Variants in CTNNA3 observed in about 807,000 individuals in gnomAD.
CTNNA3 encodes the protein catenin alpha-3.
Under a neutral mutation model 95.7 loss-of-function variants are expected in CTNNA3, and 76 were observed. That is an observed-to-expected ratio of 0.79 (90% CI 0.66 to 0.96). CTNNA3 has a LOEUF of 0.96. Ranked by LOEUF, CTNNA3 falls within the 40% of genes least tolerant of loss-of-function variation. The probability of loss-of-function intolerance (pLI) is 0.00; values close to 1 mark genes in which losing one functional copy is unlikely to be tolerated. For missense variants in CTNNA3, 1,191 were observed against 1,089.8 expected (o/e 1.09, Z -1.31); for synonymous variants, 431 against 374.4 (o/e 1.15, Z -1.74).
chr10:66,235,604 T>C (rs1237371731), intron 13 of CTNNA3, among the ~76,000 whole-genome samples: 1 of 152,122 alleles, frequency 6.6e-6, no homozygotes, highest in African/African-American at 2.4e-5. Context: ...AGTCAACTAA[T>C]TTTAAGTATA....
At chr10:67,423,199 C>T (rs547253465) in intron 5 of CTNNA3, among the ~76,000 whole-genome samples, 16 of 152,120 alleles carry the variant, frequency 1.1e-4, no homozygotes, top group Non-Finnish European at 1.3e-4. Context: ...CCTCCCTCCC[C>T]AACCCCCAGT....
At chr10:66,814,120 G>A (rs1016306291) in intron 7 of CTNNA3, among the ~76,000 whole-genome samples, 1 of 152,168 alleles carries the variant, frequency 6.6e-6, no homozygotes, top group Admixed American at 6.5e-5. Flanking sequence ...GTGCCATTGA[G>A]GCAACTGGAT....
At chr10:66,126,774 A>G (rs970385750) in intron 13 of CTNNA3, among the ~76,000 whole-genome samples, 2 of 152,252 alleles carry the variant, frequency 1.3e-5, no homozygotes, top group African/African-American at 2.4e-5. Flanking sequence ...CTAAATATCC[A>G]TAAGTCCATA....
intron 10 of CTNNA3, among the ~76,000 whole-genome samples, chr10:66,599,874 A>T (rs1843859215): frequency 6.6e-6 from 1 of 152,002 alleles, no homozygotes; most frequent in African/African-American, 2.4e-5. Flanking sequence ...CCTATATGTG[A>T]GACAGAGTAA....
intron 9 of CTNNA3, among the ~76,000 whole-genome samples, chr10:66,708,244 CT>C (rs1164179533): frequency 6.6e-6 from 1 of 151,714 alleles, no homozygotes; most frequent in African/African-American, 2.4e-5. Flanking sequence ...AAAAACACCA[CT>C]GACTGGATGT....
At chr10:66,223,005 T>C (rs1292494272) in intron 13 of CTNNA3, among the ~76,000 whole-genome samples, 3 of 152,136 alleles carry the variant, frequency 2.0e-5, no homozygotes, top group Non-Finnish European at 4.4e-5. Context: ...CTTAGATATT[T>C]GGGTTTCAAA....
chr10:67,518,052 T>C (rs555080128), intron 5 of CTNNA3, among the ~76,000 whole-genome samples: 1 of 152,282 alleles, frequency 6.6e-6, no homozygotes, highest in African/African-American at 2.4e-5. Flanking sequence ...TTATACTTGA[T>C]ATATTGTTTC....
intron 9 of CTNNA3, among the ~76,000 whole-genome samples, chr10:66,655,052 T>C (rs995706374): frequency 2.6e-5 from 4 of 152,012 alleles, no homozygotes; most frequent in African/African-American, 7.2e-5. Flanking sequence ...TTAATAGAAC[T>C]GTATTCCTGA....
intron 15 of CTNNA3, among the ~76,000 whole-genome samples, chr10:66,061,223 C>T (rs2133571045): frequency 6.6e-6 from 1 of 152,218 alleles, no homozygotes; most frequent in Non-Finnish European, 1.5e-5. Context: ...TGCCTTGCTG[C>T]ATTTGTAACT....
At chr10:66,539,160 G>A (rs750987911) in intron 10 of CTNNA3, among the ~76,000 whole-genome samples, 5 of 152,082 alleles carry the variant, frequency 3.3e-5, no homozygotes, top group African/African-American at 4.8e-5. Flanking sequence ...GCCAGCTATA[G>A]TGTACATCCG....
chr10:66,685,283 A>T (rs868194570), intron 9 of CTNNA3, among the ~76,000 whole-genome samples: 1 of 27,430 alleles, frequency 3.6e-5, no homozygotes, highest in Non-Finnish European at 6.1e-5. Flanking sequence ...ACGTATATAT[A>T]AGTATATATA....
At chr10:66,445,000 C>CA (rs981411059) in intron 11 of CTNNA3, among the ~76,000 whole-genome samples, 6 of 150,742 alleles carry the variant, frequency 4.0e-5, no homozygotes, top group African/African-American at 1.2e-4. Context: ...AAATGGAAAA[C>CA]AAAAAAAGGC....
intron 5 of CTNNA3, among the ~76,000 whole-genome samples, chr10:67,412,721 G>A (rs1036641784): frequency 6.6e-6 from 1 of 152,054 alleles, no homozygotes; most frequent in African/African-American, 2.4e-5. Flanking sequence ...TTAAAGAAAG[G>A]AAATTCCAAC....
intron 17 of CTNNA3, among the ~76,000 whole-genome samples, chr10:65,948,943 C>A (rs1308590676): frequency 6.6e-6 from 1 of 151,930 alleles, no homozygotes; most frequent in East Asian, 1.9e-4. Context: ...CTAATTAATC[C>A]CAAAAGTCTT....
intron 17 of CTNNA3, among the ~76,000 whole-genome samples, chr10:65,955,534 T>C (rs538922220): frequency 1.3e-5 from 2 of 152,328 alleles, no homozygotes; most frequent in South Asian, 2.1e-4. Flanking sequence ...TTGTCATAAA[T>C]AGCTCTTATT....
intron 13 of CTNNA3, among the ~76,000 whole-genome samples, chr10:66,179,495 C>G (rs1343131546): frequency 6.6e-6 from 1 of 151,964 alleles, no homozygotes; most frequent in East Asian, 1.9e-4. Context: ...ACTGTACTAT[C>G]GCTTTGCAAG....
At chr10:67,355,181 T>G (rs1842765961) in intron 5 of CTNNA3, among the ~76,000 whole-genome samples, 3 of 152,026 alleles carry the variant, frequency 2.0e-5, no homozygotes, top group Admixed American at 2.0e-4. Flanking sequence ...GTACTTATTT[T>G]TATCAAAAAC....
chr10:66,735,980 T>C (rs192284085), intron 9 of CTNNA3, among the ~76,000 whole-genome samples: 168 of 152,310 alleles, frequency 1.1e-3, no homozygotes, highest in Non-Finnish European at 1.4e-3. Context: ...GGGAACATGC[T>C]TCCCATTTGG....
intron 7 of CTNNA3, among the ~76,000 whole-genome samples, chr10:67,128,470 C>G (rs1183303029): frequency 6.6e-6 from 1 of 151,602 alleles, no homozygotes; most frequent in African/African-American, 2.4e-5. Flanking sequence ...ATGAAATATT[C>G]TTCCCCAGGT....
Sources: gnomAD v4.1 joint callset for allele counts (sites outside exome capture counted in the v4.1 genomes callset) on GRCh38, gnomAD v4.1.1 for gene constraint, MANE v1.5 for transcripts, NCBI Gene and HGNC (gene_info 2026-07-23, HGNC 2026-07-21) for gene names.